TEX9: variants seen among roughly 807,000 people sequenced by gnomAD.
TEX9 encodes testis expressed 9.
TEX9 carries 74 observed loss-of-function variants against 59.6 expected under a neutral mutation model. The ratio of observed to expected loss-of-function variants is 1.24; its 90% confidence interval spans 1.03 to 1.51. The LOEUF (loss-of-function observed/expected upper bound fraction) is 1.51. TEX9 is among the 40% of genes most tolerant of loss of function. TEX9 has a pLI of 0.00. For missense variants in TEX9, 522 were observed against 447.8 expected, an observed-to-expected ratio of 1.17 and a Z score of -1.49; for synonymous variants, 186 against 152.2, an observed-to-expected ratio of 1.22 and a Z score of -1.64.
intron 1 of TEX9, among the ~76,000 whole-genome samples, chr15:56,321,282 A>G (rs773222287): frequency 1.6e-4 from 24 of 152,164 alleles, no homozygotes; most frequent in Non-Finnish European, 3.1e-4. Flanking sequence ...GTGGCAAACC[A>G]AAGAACCAAG....
exon 11 of TEX9, chr15:56,427,622 A>C (rs762996357): frequency 1.3e-6 from 2 of 1,537,522 alleles, no homozygotes; most frequent in Non-Finnish European, 1.7e-6. Context: ...CAAATGAAGA[A>C]CACAAAAAAA....
intron 1 of TEX9, among the ~76,000 whole-genome samples, chr15:56,321,237 A>T (rs1466645104): frequency 6.6e-6 from 1 of 152,022 alleles, no homozygotes; most frequent in East Asian, 1.9e-4. Flanking sequence ...TGACATTTAA[A>T]CCCCCTTGTC....
At chr15:56,420,742 T>C (rs187516639) in intron 10 of TEX9, among the ~76,000 whole-genome samples, 1 of 152,144 alleles carries the variant, frequency 6.6e-6, no homozygotes, top group East Asian at 1.9e-4. Context: ...TTTGATTTTT[T>C]GTATTTTCAT....
At chr15:56,279,416 A>G (rs1473860456) in intron 1 of TEX9, among the ~76,000 whole-genome samples, 1 of 152,204 alleles carries the variant, frequency 6.6e-6, no homozygotes, top group Non-Finnish European at 1.5e-5. Context: ...ACTCATTATC[A>G]AGGGAATCAA....
intron 1 of TEX9, among the ~76,000 whole-genome samples, chr15:56,263,213 G>T (rs1227952164): frequency 1.3e-5 from 2 of 152,112 alleles, no homozygotes; most frequent in Non-Finnish European, 2.9e-5. Context: ...AGTAGAGACA[G>T]GGTTTCTCTA....
At chr15:56,349,366 G>C (rs1281900177) in intron 1 of TEX9, among the ~76,000 whole-genome samples, 2 of 152,128 alleles carry the variant, frequency 1.3e-5, no homozygotes, top group East Asian at 3.8e-4. Context: ...TTTGAAATCT[G>C]CCCATGCATG....
At position 56,376,077 on chromosome 15, in the gene TEX9, C is replaced by G. The variant is rs1244906744; in HGVS notation, c.183+2573C>G. Among the ~76,000 whole-genome samples, 6 of 99,782 alleles carry G rather than the reference C, an allele frequency of 6.0e-5. No individual in the cohort carries two copies. In the Admixed American group the frequency reaches 6.7e-4, roughly 11 times the overall value. The allele number at this position is 99,782 out of a possible 152,430, so 65.5% of individuals were successfully genotyped here. On this transcript the variant is annotated intron_variant, in intron 3 of 12. Transcript: ENST00000352903. ...CACACACTGGGGACTCTTGTGGGGT[C>G]GGGGGAGGGGGGAGGGATAGCTTTA...
chr15:56,367,250 G>A (rs1416883129), intron 2 of TEX9, among the ~76,000 whole-genome samples: 1 of 151,994 alleles, frequency 6.6e-6, no homozygotes, highest in African/African-American at 2.4e-5. Context: ...CACATCTGAA[G>A]CATATGAACA....
chr15:56,325,524 A>G (rs1428849588), intron 1 of TEX9, among the ~76,000 whole-genome samples: 2 of 152,132 alleles, frequency 1.3e-5, no homozygotes, highest in Non-Finnish European at 2.9e-5. Flanking sequence ...TATTTTTAAA[A>G]TCTCCTTTAA....
At chr15:56,270,101 G>A (rs2044491196) in intron 1 of TEX9, among the ~76,000 whole-genome samples, 1 of 152,200 alleles carries the variant, frequency 6.6e-6, no homozygotes, top group Non-Finnish European at 1.5e-5. Flanking sequence ...GTGATGTGGT[G>A]CTGAGAAGAA....
At chr15:56,449,770 CCAAT>C (rs2050935590), downstream of TEX9, among the ~76,000 whole-genome samples, 1 of 152,098 alleles carries the variant, frequency 6.6e-6, no homozygotes, top group Non-Finnish European at 1.5e-5. Context: ...TCTTCTTGTG[CCAAT>C]CAGTTTGGTA....
At chr15:56,423,940 A>G (rs2050117880) in intron 10 of TEX9, among the ~76,000 whole-genome samples, 1 of 152,060 alleles carries the variant, frequency 6.6e-6, no homozygotes, top group Non-Finnish European at 1.5e-5. Context: ...AAGTCCCTAG[A>G]GTCCATTATA....
At position 56,296,556 on chromosome 15, in the gene TEX9, A is replaced by G. The variant is rs147908395; in HGVS notation, c.-107+52278A>G. Among the ~76,000 whole-genome samples the G allele has an allele frequency of 6.0e-4, 92 of 152,330 alleles. 2 individuals are homozygous for G. In the East Asian group the frequency reaches 0.015, roughly 25 times the overall value. ...CTGTACTCTATCTCTTTCGGCTACA[A>G]TATCTCAAAGTTATATAAAAAGTTA... is the stretch of plus-strand genomic sequence containing the variant. On this transcript the variant is annotated intron_variant, in intron 1 of 5. Coordinates refer to the TEX9 transcript ENST00000560827.
rs1385268172 is a variant in TEX9, at chr15:56,426,655, G to A, written c.964-950G>A. Among the ~76,000 whole-genome samples, 15 of 91,568 alleles carry A rather than the reference G, an allele frequency of 1.6e-4. No individual in the cohort carries two copies. In the South Asian group the frequency reaches 2.9e-3, roughly 18 times the overall value. The allele number at this position is 91,568 out of a possible 152,430, so 60.1% of individuals were successfully genotyped here. ...CACACACAAACACACACACACACAC[G>A]TATGTATACATAAGATTACACATTA... On this transcript the variant is annotated intron_variant, in intron 10 of 12. Transcript: ENST00000352903.
intron 1 of TEX9, among the ~76,000 whole-genome samples, chr15:56,311,447 T>C (rs1175801921): frequency 7.6e-6 from 1 of 131,952 alleles, no homozygotes; most frequent in East Asian, 2.2e-4. Context: ...TCCAGTTTCA[T>C]CCATGTCCCT....
intron 12 of TEX9, chr15:56,434,107 T>C: frequency 6.3e-7 from 1 of 1,597,044 alleles, no homozygotes; most frequent in Non-Finnish European, 8.5e-7. Context: ...TTAATGATAA[T>C]GACCAAAAAA....
At chr15:56,456,720 TAAG>T in the TEX9 span, among the ~76,000 whole-genome samples, 3 of 152,166 alleles carry the variant, frequency 2.0e-5, no homozygotes, top group Non-Finnish European at 4.4e-5. Context: ...TTGCCAATAG[TAAG>T]AAGAATATTT....
At chr15:56,348,488 T>G (rs2046515483) in intron 1 of TEX9, among the ~76,000 whole-genome samples, 1 of 152,134 alleles carries the variant, frequency 6.6e-6, no homozygotes, top group Non-Finnish European at 1.5e-5. Context: ...TTTTTCTTCA[T>G]TATTGGCATA....
chr15:56,357,683 C>A (rs563797577), intron 1 of TEX9, among the ~76,000 whole-genome samples: 9 of 152,052 alleles, frequency 5.9e-5, no homozygotes, highest in Non-Finnish European at 2.9e-5. Context: ...ATCTGCCATT[C>A]GACCTGTCCA....
Sources: gnomAD v4.1 joint callset for allele counts (sites outside exome capture counted in the v4.1 genomes callset) on GRCh38, gnomAD v4.1.1 for gene constraint, MANE v1.5 for transcripts, NCBI Gene and HGNC (gene_info 2026-07-23, HGNC 2026-07-21) for gene names.